TENM3: variants seen among roughly 807,000 people sequenced by gnomAD.
The protein encoded by TENM3 is teneurin transmembrane protein 3.
Under a neutral mutation model 255.1 loss-of-function variants are expected in TENM3, and 63 were observed. The observed-to-expected ratio is 0.25, with a 90% CI of 0.20 to 0.30. The LOEUF (loss-of-function observed/expected upper bound fraction) is 0.30. TENM3 is among the 10% of genes least tolerant of loss of function. The probability of loss-of-function intolerance (pLI) is 1.00; values close to 1 mark genes in which losing one functional copy is unlikely to be tolerated. For missense variants in TENM3, 2,929 were observed against 3,461.1 expected (o/e 0.85, Z 3.86); for synonymous variants, 1,306 against 1,322.3 (o/e 0.99, Z 0.27).
intron 3 of TENM3, among the ~76,000 whole-genome samples, chr4:182,564,343 G>A (rs192627603): frequency 2.0e-5 from 3 of 151,000 alleles, no homozygotes; most frequent in African/African-American, 7.3e-5. Context: ...AAATAGAGAC[G>A]AGGTCTCACT....
chr4:182,523,578 G>A (rs1738807323), intron 3 of TENM3, among the ~76,000 whole-genome samples: 3 of 152,096 alleles, frequency 2.0e-5, no homozygotes, highest in Admixed American at 2.0e-4. Flanking sequence ...AACATGACAT[G>A]TCATAACATC....
the TENM3 span, among the ~76,000 whole-genome samples, chr4:181,941,014 G>A: frequency 7.2e-5 from 11 of 152,202 alleles, no homozygotes; most frequent in African/African-American, 2.7e-4. Flanking sequence ...ATTTATTCAT[G>A]GTTATCAGGC....
intron 24 of TENM3, among the ~76,000 whole-genome samples, chr4:182,785,583 C>T (rs1452191249): frequency 6.6e-6 from 1 of 151,390 alleles, no homozygotes; most frequent in African/African-American, 2.4e-5. Context: ...TGGCGCACGC[C>T]TCTCGTCTCA....
chr4:181,586,883 AAAG>A, the TENM3 span, among the ~76,000 whole-genome samples: 3 of 152,190 alleles, frequency 2.0e-5, no homozygotes, highest in East Asian at 1.9e-4. Flanking sequence ...AACAAAAACA[AAAG>A]AAGCAGATCA....
At chr4:182,532,368 G>C (rs1739861189) in intron 3 of TENM3, among the ~76,000 whole-genome samples, 1 of 152,100 alleles carries the variant, frequency 6.6e-6, no homozygotes, top group Non-Finnish European at 1.5e-5. Context: ...AGAAATACTG[G>C]TGGCATTGAT....
chr4:182,160,152 G>A (rs896895739), intron 1 of TENM3, among the ~76,000 whole-genome samples: 17 of 149,614 alleles, frequency 1.1e-4, no homozygotes, highest in African/African-American at 2.2e-4. Flanking sequence ...ACAGGCGCCC[G>A]CCACCACGCC....
At chr4:182,720,283 TG>T (rs149171334) in intron 13 of TENM3, among the ~76,000 whole-genome samples, 9,257 of 152,156 alleles carry the variant, frequency 0.061, 362 homozygotes, top group Middle Eastern at 0.14. Context: ...GGGACTATTA[TG>T]TTCTCTAAAA....
At chr4:182,193,008 T>C (rs1753616172) in intron 1 of TENM3, among the ~76,000 whole-genome samples, 1 of 152,190 alleles carries the variant, frequency 6.6e-6, no homozygotes, top group African/African-American at 2.4e-5. Context: ...CTTCCTATCA[T>C]GATGGTGTTT....
chr4:182,250,927 A>G (rs1409388636), intron 1 of TENM3, among the ~76,000 whole-genome samples: 5 of 152,178 alleles, frequency 3.3e-5, no homozygotes, highest in African/African-American at 1.2e-4. Flanking sequence ...TCAGATGGAT[A>G]AGAATTTGTT....
the TENM3 span, among the ~76,000 whole-genome samples, chr4:182,038,541 G>A: frequency 3.9e-5 from 6 of 151,904 alleles, no homozygotes; most frequent in South Asian, 2.1e-4. Context: ...GAGTCTGTTC[G>A]CAGGCAGTCT....
At chr4:181,675,879 T>G in the TENM3 span, among the ~76,000 whole-genome samples, 40 of 152,228 alleles carry the variant, frequency 2.6e-4, no homozygotes, top group African/African-American at 9.1e-4. Context: ...TGGGTTAAAT[T>G]GGAAGGTCTG....
intron 2 of TENM3, among the ~76,000 whole-genome samples, chr4:182,341,497 G>A (rs1044793237): frequency 1.3e-5 from 2 of 151,878 alleles, no homozygotes; most frequent in East Asian, 3.9e-4. Context: ...ATATACAAAC[G>A]AGCTTCCCTG....
At chr4:182,454,666 C>T (rs1171816040) in intron 3 of TENM3, among the ~76,000 whole-genome samples, 4 of 152,076 alleles carry the variant, frequency 2.6e-5, no homozygotes, top group Non-Finnish European at 5.9e-5. Context: ...ACTTCCATTA[C>T]GAAATTAAAA....
At chr4:181,667,719 A>T in the TENM3 span, among the ~76,000 whole-genome samples, 5 of 152,290 alleles carry the variant, frequency 3.3e-5, no homozygotes, top group African/African-American at 9.6e-5. Context: ...AAGAGCCAAT[A>T]CATTTATTTT....
chr4:181,765,100 A>G, the TENM3 span, among the ~76,000 whole-genome samples: 4 of 152,100 alleles, frequency 2.6e-5, no homozygotes, highest in Non-Finnish European at 5.9e-5. Flanking sequence ...AGAATTAGCT[A>G]TTTTTCATTT....
chr4:182,378,375 C>T (rs755521394), intron 3 of TENM3, among the ~76,000 whole-genome samples: 4 of 152,140 alleles, frequency 2.6e-5, no homozygotes, highest in South Asian at 2.1e-4. Flanking sequence ...AAAATATGTA[C>T]GCACACTGCA....
At chr4:182,690,710 G>C (rs1482176981) in intron 12 of TENM3, among the ~76,000 whole-genome samples, 1 of 152,222 alleles carries the variant, frequency 6.6e-6, no homozygotes, top group Non-Finnish European at 1.5e-5. Flanking sequence ...AATCATTTTA[G>C]TGTTGTTCTC....
At chr4:181,866,921 A>G in the TENM3 span, among the ~76,000 whole-genome samples, 1 of 151,888 alleles carries the variant, frequency 6.6e-6, no homozygotes, top group Non-Finnish European at 1.5e-5. Context: ...CGGCGATCTC[A>G]TCTAACCTCA....
At chr4:181,705,035 C>CAA in the TENM3 span, among the ~76,000 whole-genome samples, 40 of 42,398 alleles carry the variant, frequency 9.4e-4, no homozygotes, top group African/African-American at 2.1e-3. Context: ...GACTCCATCT[C>CAA]AAAAACAAAA....
Sources: gnomAD v4.1 joint callset for allele counts (sites outside exome capture counted in the v4.1 genomes callset) on GRCh38, gnomAD v4.1.1 for gene constraint, MANE v1.5 for transcripts, NCBI Gene and HGNC (gene_info 2026-07-23, HGNC 2026-07-21) for gene names.